Variants in SLC9A7 observed in about 807,000 individuals in gnomAD.
SLC9A7 encodes solute carrier family 9 member A7.
SLC9A7 carries 19 observed loss-of-function variants against 52.6 expected under a neutral mutation model. The observed-to-expected ratio is 0.36, with a 90% confidence interval of 0.25 to 0.53. The LOEUF (loss-of-function observed/expected upper bound fraction) is 0.53. SLC9A7 is among the 20% of genes least tolerant of loss of function. The probability of loss-of-function intolerance (pLI) is 0.91; values close to 1 mark genes in which losing one functional copy is unlikely to be tolerated. For synonymous variants in SLC9A7, 226 were observed against 252.1 expected (o/e 0.90, Z 0.98); for missense variants, 455 against 597.9 (o/e 0.76, Z 2.49).
chrX:46,601,842 A>C lies in SLC9A7; in HGVS notation c.*5110T>G, dbSNP rs377606412. On this transcript the variant is annotated 3_prime_UTR_variant, in exon 17 of 17. Transcript: ENST00000616978. ...TTCATCTTCTCTCTGTCAGGGCTAT[A>C]CAAAAGTGTGCATCTCCTTAATTAC... 8.9e-6 allele frequency: 1 copy of C among 112,185 alleles called. No individual in the cohort carries two copies. The highest frequency in any genetic ancestry group is 3.2e-5 in the African/African-American group (1 of 30,876). The allele number at this position is 112,185 out of a possible 1,213,427, so 9.2% of individuals were successfully genotyped here.
rs140399737 is a variant in SLC9A7 at position 46,669,961 on chromosome X, A to C, written c.681-242T>G. ...TTTTTAAAAGTTGTACTGGCTAACA[A>C]CTAAAGCAACCATGAAGCACAGTCT... is the stretch of plus-strand genomic sequence containing the variant. On this transcript the variant is annotated intron_variant, in intron 4 of 16. Transcript: ENST00000616978. 2.3e-3 allele frequency among the ~76,000 whole-genome samples: 254 copies of C among 112,272 alleles called. 1 individual carries two copies. The highest frequency in any genetic ancestry group is 0.018 in the Middle Eastern group (4 of 218).
intron 1 of SLC9A7, among the ~76,000 whole-genome samples, chrX:46,713,283 T>C (rs1701568404): frequency 9.1e-6 from 1 of 110,424 alleles, no homozygotes; most frequent in African/African-American, 3.3e-5. Flanking sequence ...GTGGATCATC[T>C]GAGCTCAGGA....
rs1942733802 is a variant in SLC9A7, at chrX:46,605,760, A to G, written c.*1192T>C. 8.9e-6 allele frequency: 1 copy of G among 111,734 alleles called. No homozygotes were observed. The highest frequency in any genetic ancestry group is 3.7e-4 in the South Asian group (1 of 2,696). 9.2% of individuals were successfully genotyped at this position (111,734 alleles called of 1,213,427 possible). ...TCTTGCTGCCTTCCCTTTCCCAGAT[A>G]ATAGCATCCTACAAAATTTGGTGTT... On this transcript the variant is annotated 3_prime_UTR_variant, in exon 17 of 17. Coordinates refer to ENST00000616978, the MANE Select transcript of SLC9A7 (RefSeq NM_001257291.2).
rs191356203 is a variant in SLC9A7, at chrX:46,599,741, A to G, written c.*7211T>C. On this transcript the variant is annotated 3_prime_UTR_variant, in exon 17 of 17. Transcript: ENST00000616978. ...TTATACTTTAATGTCATTTTATATA[A>G]CGTTTATTTATATAACATACTATAA... 1.3e-4 allele frequency: 15 copies of G among 111,831 alleles called. No homozygotes were observed. The highest frequency in any genetic ancestry group is 4.5e-4 in the African/African-American group (14 of 30,822). The allele number at this position is 111,831 out of a possible 1,213,427, so 9.2% of individuals were successfully genotyped here.
At chrX:46,690,295 G>A (rs1156879729) in intron 1 of SLC9A7, among the ~76,000 whole-genome samples, 1 of 111,942 alleles carries the variant, frequency 8.9e-6, no homozygotes, top group Non-Finnish European at 1.9e-5. Flanking sequence ...GGTGTGTAGT[G>A]GTATTTCACC....
chrX:46,748,418 C>A (rs1444349619), intron 1 of SLC9A7, among the ~76,000 whole-genome samples: 12 of 80,805 alleles, frequency 1.5e-4, no homozygotes, highest in Non-Finnish European at 2.4e-4. Context: ...GAAGGAAGGA[C>A]AGACAGAAGG....
At chrX:46,757,753 G>C (rs200598200) in intron 1 of SLC9A7, among the ~76,000 whole-genome samples, 1 of 66,255 alleles carries the variant, frequency 1.5e-5, no homozygotes, top group African/African-American at 7.7e-5. Flanking sequence ...GGCGAGGGGG[G>C]AGGCAGGGGG....
chrX:46,684,972 C>G (rs749818421), intron 1 of SLC9A7: 6 of 113,995 alleles, frequency 5.3e-5, no homozygotes, highest in African/African-American at 1.9e-4. Flanking sequence ...GTCTCACTGA[C>G]CTACCTCTTC....
At chrX:46,747,470 G>A (rs370792683) in intron 1 of SLC9A7, among the ~76,000 whole-genome samples, 36 of 110,562 alleles carry the variant, frequency 3.3e-4, no homozygotes, top group East Asian at 1.7e-3. Flanking sequence ...GAAATAATTC[G>A]TTTATAAACA....
In SLC9A7 at chrX:46,758,734, A is replaced by T. The variant is rs1556294370; in HGVS notation, c.296T>A (p.Leu99Gln). ...GATCATGGCCAGCCCGGTCTCGTGC[A>T]GAAAGCGCACCCGGCGGTGCTTGAA... Reference protein sequence around the residue: ...WLFKHRRVRFLHETGLAMIYG... With the variant: ...WLFKHRRVRFQHETGLAMIYG... Residue 99 changes from leucine (L) to glutamine (Q), a missense_variant, in exon 1 of 17, where the codon CTG becomes CAG. Physicochemically the swap from Leu to Gln is moderately radical, Grantham distance 113 (BLOSUM62 -2). Coordinates refer to ENST00000616978, the MANE Select transcript of SLC9A7 (RefSeq NM_001257291.2). The T allele has an allele frequency of 4.2e-6, 5 of 1,194,359 alleles. No homozygotes were observed. Among genetic ancestry groups the T allele is most frequent in the Admixed American group, 2.2e-5 (1 of 44,518 alleles).
At chrX:46,727,770 A>G (rs1217324896) in intron 1 of SLC9A7, among the ~76,000 whole-genome samples, 2 of 112,328 alleles carry the variant, frequency 1.8e-5, no homozygotes, top group African/African-American at 3.2e-5. Context: ...ACAAAGAACT[A>G]GCCAATGTAA....
At chrX:46,656,344 C>T (rs1277562654) in intron 7 of SLC9A7, among the ~76,000 whole-genome samples, 1 of 112,647 alleles carries the variant, frequency 8.9e-6, no homozygotes, top group African/African-American at 3.2e-5. Context: ...CGCAGCTCCT[C>T]ACCAGCAATG....
chrX:46,652,706 G>GATTATGT (rs1334306780), intron 8 of SLC9A7, among the ~76,000 whole-genome samples: 28 of 111,897 alleles, frequency 2.5e-4, no homozygotes, highest in African/African-American at 8.5e-4. Context: ...TAAGTACCTG[G>GATTATGT]ATTATGTACA....
Position 46,606,610 on chromosome X carries a change from C to T in SLC9A7, c.*342G>A. ...AGATGCAGCCTCTCATGGGAGGAAT[C>T]CCCCCACCCAGCACCTGCCTCGCCT... On this transcript the variant is annotated 3_prime_UTR_variant, in exon 17 of 17. Transcript: ENST00000616978. 2 of 897,447 alleles carry T rather than the reference C, an allele frequency of 2.2e-6. No individual in the cohort carries two copies. Among genetic ancestry groups the T allele is most frequent in the Non-Finnish European group, 2.7e-6 (2 of 728,978 alleles). The allele number at this position is 897,447 out of a possible 1,213,427, so 74.0% of individuals were successfully genotyped here. A position where few individuals can be genotyped will look rare whatever the true frequency, so the allele number is the denominator to read the frequency against.
intron 7 of SLC9A7, among the ~76,000 whole-genome samples, chrX:46,654,724 G>C (rs960178494): frequency 1.8e-5 from 2 of 110,910 alleles, no homozygotes; most frequent in Admixed American, 1.9e-4. Context: ...ACCAGGTGCT[G>C]GTGTCACCTT....
chrX:46,702,349 C>G (rs1415793596), intron 1 of SLC9A7, among the ~76,000 whole-genome samples: 3 of 111,822 alleles, frequency 2.7e-5, no homozygotes, highest in Admixed American at 9.5e-5. Flanking sequence ...CACAGGTATA[C>G]TTGCATGATG....
intron 3 of SLC9A7, among the ~76,000 whole-genome samples, chrX:46,674,282 A>G (rs1040450065): frequency 8.9e-6 from 1 of 112,211 alleles, no homozygotes; most frequent in Non-Finnish European, 1.9e-5. Flanking sequence ...TCTGCAGCCA[A>G]AAATACTTTC....
chrX:46,720,410 C>G (rs1329107640), intron 1 of SLC9A7, among the ~76,000 whole-genome samples: 1 of 110,569 alleles, frequency 9.0e-6, no homozygotes, highest in Admixed American at 9.7e-5. Flanking sequence ...TTCAAGCTCC[C>G]TGACTGGATT....
chrX:46,694,422 G>A (rs1281051703), intron 1 of SLC9A7, among the ~76,000 whole-genome samples: 1 of 111,459 alleles, frequency 9.0e-6, no homozygotes, highest in Non-Finnish European at 1.9e-5. Context: ...ATTTTAAAAT[G>A]GGCAAAAGAT....
Sources: gnomAD v4.1 joint callset for allele counts (sites outside exome capture counted in the v4.1 genomes callset) on GRCh38, gnomAD v4.1.1 for gene constraint, MANE v1.5 for transcripts, NCBI Gene and HGNC (gene_info 2026-07-23, HGNC 2026-07-21) for gene names.